The following CSMD1 variants were observed in gnomAD, a reference collection of about 807,000 sequenced individuals.
CSMD1 encodes the protein CUB and sushi domain-containing protein 1.
A neutral mutation model predicts 417.5 loss-of-function variants in CSMD1; 213 were observed. The ratio of observed to expected loss-of-function variants is 0.51; its 90% confidence interval spans 0.46 to 0.57. CSMD1 has a LOEUF of 0.57. Ranked by LOEUF, CSMD1 falls within the 20% of genes least tolerant of loss-of-function variation. CSMD1 has a pLI of 0.00. For synonymous variants in CSMD1, 2,862 were observed against 1,736.8 expected (o/e 1.65, Z -16.11); for missense variants, 6,923 against 4,529.7 (o/e 1.53, Z -15.17).
chr8:3,077,353 G>A (rs188091824), intron 49 of CSMD1, among the ~76,000 whole-genome samples: 5 of 152,248 alleles, frequency 3.3e-5, no homozygotes, highest in East Asian at 1.9e-4. Context: ...CCTGAAATGA[G>A]AAGATGAGAA....
rs193193352 is a variant in CSMD1 at position 4,391,543 on chromosome 8, C to T, written c.415+28410G>A. Among the ~76,000 whole-genome samples the T allele has an allele frequency of 1.4e-4, 22 of 152,188 alleles. No homozygotes were observed. The East Asian group carries it at 4.3e-3, about 30-fold the overall frequency. On this transcript the variant is annotated intron_variant, in intron 3 of 69. Coordinates refer to ENST00000635120, the MANE Select transcript of CSMD1 (RefSeq NM_033225.6). Reference sequence around the variant, plus strand: ...AAGCCACAACCACTGCATCAACCAGCTCAGAGTAGGTAAGACTTGGCCAGT... The same window carrying T: ...AAGCCACAACCACTGCATCAACCAGTTCAGAGTAGGTAAGACTTGGCCAGT...
At chr8:3,333,325 G>C (rs564703562) in intron 23 of CSMD1, among the ~76,000 whole-genome samples, 6 of 152,108 alleles carry the variant, frequency 3.9e-5, no homozygotes, top group Non-Finnish European at 7.3e-5. Context: ...GTGGTATTTT[G>C]TTACAGAGCA....
chr8:4,553,722 T>G (rs1444098243), intron 2 of CSMD1, among the ~76,000 whole-genome samples: 1 of 152,222 alleles, frequency 6.6e-6, no homozygotes, highest in Non-Finnish European at 1.5e-5. Context: ...TTGTGCCTCA[T>G]GGCAATGCTA....
At chr8:3,742,593 G>C (rs921740659) in intron 6 of CSMD1, among the ~76,000 whole-genome samples, 1 of 152,130 alleles carries the variant, frequency 6.6e-6, no homozygotes, top group Non-Finnish European at 1.5e-5. Flanking sequence ...CGGGCCAGTA[G>C]TGCTTCACCC....
intron 5 of CSMD1, among the ~76,000 whole-genome samples, chr8:3,800,875 T>C (rs1800417287): frequency 6.6e-6 from 1 of 152,128 alleles, no homozygotes; most frequent in African/African-American, 2.4e-5. Flanking sequence ...ACTGGTGCCA[T>C]GCTTCTGCTA....
intron 1 of CSMD1, among the ~76,000 whole-genome samples, chr8:4,751,283 G>A (rs1419844662): frequency 1.3e-5 from 2 of 152,070 alleles, no homozygotes; most frequent in African/African-American, 4.8e-5. Flanking sequence ...TACTTGGGAG[G>A]CTGAGGCAGG....
At chr8:4,642,574 G>C (rs887298957) in intron 1 of CSMD1, among the ~76,000 whole-genome samples, 1 of 152,108 alleles carries the variant, frequency 6.6e-6, no homozygotes, top group East Asian at 1.9e-4. Flanking sequence ...TCTACACCTG[G>C]ATGAAACTGT....
intron 1 of CSMD1, among the ~76,000 whole-genome samples, chr8:4,688,215 C>G (rs1438331762): frequency 6.6e-6 from 1 of 152,106 alleles, no homozygotes; most frequent in Non-Finnish European, 1.5e-5. Context: ...TTTTAAATAT[C>G]AATCCTTATA....
intron 25 of CSMD1, among the ~76,000 whole-genome samples, chr8:3,284,866 T>C (rs763190422): frequency 1.2e-4 from 19 of 152,182 alleles, no homozygotes; most frequent in Non-Finnish European, 2.6e-4. Flanking sequence ...TTTCTAAAAA[T>C]TATATTTTAA....
At chr8:3,466,477 T>C (rs1432505099) in intron 12 of CSMD1, among the ~76,000 whole-genome samples, 1 of 152,118 alleles carries the variant, frequency 6.6e-6, no homozygotes, top group Non-Finnish European at 1.5e-5. Flanking sequence ...TGGCACGATC[T>C]TGGCTCACTG....
intron 1 of CSMD1, chr8:4,788,084 G>T (rs1338937322): frequency 6.2e-7 from 1 of 1,601,674 alleles, no homozygotes; most frequent in South Asian, 1.1e-5. Context: ...AAGTAGAGTT[G>T]CTTTTGAAAT....
chr8:4,313,768 C>T (rs867602173), intron 3 of CSMD1, among the ~76,000 whole-genome samples: 1 of 152,004 alleles, frequency 6.6e-6, no homozygotes, highest in Non-Finnish European at 1.5e-5. Context: ...GTAATTCCAG[C>T]GTTTTGGGAG....
chr8:4,638,229 T>C (rs1388733369), intron 1 of CSMD1, among the ~76,000 whole-genome samples: 1 of 152,088 alleles, frequency 6.6e-6, no homozygotes, highest in Non-Finnish European at 1.5e-5. Context: ...CACCCTAAAT[T>C]CTTTGTTGGT....
At chr8:4,142,942 T>A (rs1052152826) in intron 3 of CSMD1, among the ~76,000 whole-genome samples, 1 of 150,362 alleles carries the variant, frequency 6.7e-6, no homozygotes, top group Non-Finnish European at 1.5e-5. Context: ...ATTTGCATCA[T>A]AAACAGAAAT....
intron 10 of CSMD1, among the ~76,000 whole-genome samples, chr8:3,517,850 C>T (rs1042859929): frequency 6.6e-6 from 1 of 152,100 alleles, no homozygotes. Flanking sequence ...CCTAGAAATC[C>T]TCAACTGCAG....
chr8:4,191,910 G>A (rs1445260937), intron 3 of CSMD1, among the ~76,000 whole-genome samples: 2 of 152,170 alleles, frequency 1.3e-5, no homozygotes, highest in East Asian at 1.9e-4. Flanking sequence ...AGGAAAGAAA[G>A]TGAGCATTAG....
intron 27 of CSMD1, among the ~76,000 whole-genome samples, chr8:3,226,303 C>G (rs1301064897): frequency 6.6e-6 from 1 of 152,100 alleles, no homozygotes; most frequent in Admixed American, 6.6e-5. Context: ...GAAGTTGAAG[C>G]CGAACGTGGT....
chr8:4,091,647 C>G (rs959266776), intron 3 of CSMD1, among the ~76,000 whole-genome samples: 2 of 152,130 alleles, frequency 1.3e-5, no homozygotes, highest in African/African-American at 2.4e-5. Flanking sequence ...AGCCCCACAA[C>G]GAGTTCTTCA....
At chr8:4,806,819 G>A (rs1233334129) in intron 1 of CSMD1, among the ~76,000 whole-genome samples, 1 of 152,072 alleles carries the variant, frequency 6.6e-6, no homozygotes, top group Admixed American at 6.5e-5. Context: ...TGAATTTGAG[G>A]GAAGCAGTAA....
Sources: gnomAD v4.1 joint callset for allele counts (sites outside exome capture counted in the v4.1 genomes callset) on GRCh38, gnomAD v4.1.1 for gene constraint, MANE v1.5 for transcripts, NCBI Gene and HGNC (gene_info 2026-07-23, HGNC 2026-07-21) for gene names.